The following KCNH5 variants were observed in gnomAD, a reference collection of about 807,000 sequenced individuals.
KCNH5 encodes potassium voltage-gated channel subfamily H member 5.
In KCNH5, 46 loss-of-function variants were observed where a neutral mutation model predicts 96.1. The observed-to-expected ratio is 0.48, with a 90% confidence interval of 0.38 to 0.61. KCNH5 has a LOEUF of 0.61. KCNH5 is among the 20% of genes least tolerant of loss of function. The pLI is 0.00. For missense variants in KCNH5, 907 were observed against 1,225.8 expected (o/e 0.74, Z 3.88); for synonymous variants, 439 against 449.8 (o/e 0.98, Z 0.30).
At chr14:62,909,297 G>A (rs934879798) in intron 7 of KCNH5, among the ~76,000 whole-genome samples, 11 of 151,662 alleles carry the variant, frequency 7.3e-5, no homozygotes, top group African/African-American at 2.7e-4. Context: ...CGCCCGCCTC[G>A]GCCTCCCAAA....
intron 10 of KCNH5, among the ~76,000 whole-genome samples, chr14:62,762,169 C>T (rs1885765130): frequency 6.6e-6 from 1 of 152,002 alleles, no homozygotes; most frequent in South Asian, 2.1e-4. Flanking sequence ...CAGAGAATGG[C>T]TGGGGACACC....
At chr14:63,022,067 A>T (rs1019182615) in intron 1 of KCNH5, among the ~76,000 whole-genome samples, 1 of 151,860 alleles carries the variant, frequency 6.6e-6, no homozygotes, top group African/African-American at 2.4e-5. Flanking sequence ...TCCAAACTTG[A>T]CCTCTTTTCT....
At chr14:62,792,317 T>G (rs118056456) in intron 9 of KCNH5, among the ~76,000 whole-genome samples, 4,832 of 151,538 alleles carry the variant, frequency 0.032, 147 homozygotes, top group South Asian at 0.083. Flanking sequence ...GTGATTTAGC[T>G]CGTAGATTTT....
intron 10 of KCNH5, among the ~76,000 whole-genome samples, chr14:62,764,067 T>C (rs923710109): frequency 2.0e-5 from 3 of 151,924 alleles, no homozygotes; most frequent in African/African-American, 4.8e-5. Flanking sequence ...GCAGAAACAG[T>C]ACAAATAATG....
intron 6 of KCNH5, among the ~76,000 whole-genome samples, chr14:62,951,971 A>AT (rs994901196): frequency 3.3e-5 from 5 of 151,648 alleles, no homozygotes; most frequent in African/African-American, 1.2e-4. Flanking sequence ...TCAAAAAAAA[A>AT]AAAAAAAAAA....
chr14:62,975,303 C>T (rs1282822036), intron 6 of KCNH5, among the ~76,000 whole-genome samples: 1 of 152,064 alleles, frequency 6.6e-6, no homozygotes, highest in African/African-American at 2.4e-5. Flanking sequence ...ATGATGCAGG[C>T]AGGCTTCCTG....
chr14:62,836,847 T>C (rs1195393697), intron 8 of KCNH5, among the ~76,000 whole-genome samples: 3 of 152,166 alleles, frequency 2.0e-5, no homozygotes, highest in African/African-American at 7.2e-5. Flanking sequence ...ATGTACTGCC[T>C]GGAACATACG....
rs1258585563 is a variant in KCNH5 at position 62,699,506 on chromosome 14, C to A, written c.*8002G>T. The A allele has an allele frequency of 1.3e-5, 2 of 152,056 alleles. No individual in the cohort carries two copies. The highest frequency in any genetic ancestry group is 4.8e-5 in the African/African-American group (2 of 41,404). 9.4% of individuals were successfully genotyped at this position (152,056 alleles called of 1,614,324 possible). A position where few individuals can be genotyped will look rare whatever the true frequency, so the allele number is the denominator to read the frequency against. On this transcript the variant is annotated 3_prime_UTR_variant, in exon 11 of 11. Transcript: ENST00000322893. ...TTTATTCTGTATCATGAAAAAATAT[C>A]CACATTTAAATAAAGTGTGAAAAAA...
intron 10 of KCNH5, among the ~76,000 whole-genome samples, chr14:62,721,212 C>A (rs1013028843): frequency 3.3e-5 from 5 of 152,060 alleles, no homozygotes; most frequent in Non-Finnish European, 7.4e-5. Flanking sequence ...AGAATTTGTC[C>A]TATTTTAGGA....
chr14:62,826,739 A>C (rs995749492), intron 8 of KCNH5, among the ~76,000 whole-genome samples: 2 of 151,812 alleles, frequency 1.3e-5, no homozygotes, highest in Non-Finnish European at 2.9e-5. Context: ...TTTTCCTTCT[A>C]GTATTCATGT....
rs143156101 is a variant in KCNH5 at position 62,987,897 on chromosome 14, T to A, written c.434-710A>T. Among the ~76,000 whole-genome samples the A allele has an allele frequency of 8.2e-3, 1,250 of 152,268 alleles. 6 individuals are homozygous for A. The highest frequency in any genetic ancestry group is 0.019 in the South Asian group (91 of 4,832). On this transcript the variant is annotated intron_variant, in intron 4 of 10. Transcript: ENST00000322893. Reference sequence around the variant, plus strand: ...AGATATAAGAGAATAAAACTGAATTTCAACAAATCTTACTTTTTATGGTTC... The same window carrying A: ...AGATATAAGAGAATAAAACTGAATTACAACAAATCTTACTTTTTATGGTTC...
In KCNH5 at chr14:63,016,841, T is replaced by C; in HGVS notation, c.187A>G (p.Ser63Gly). The C allele has an allele frequency of 1.2e-6, 2 of 1,610,216 alleles. No individual in the cohort carries two copies. Among genetic ancestry groups the C allele is most frequent in the South Asian group, 1.1e-5 (1 of 90,292 alleles). ...TATTCTGTTACCTACCTGCAAGTGCTGCTTTTCTGCATGACGTCAGCTCGA... is the reference window on the plus strand; with the variant it reads ...TATTCTGTTACCTACCTGCAAGTGCCGCTTTTCTGCATGACGTCAGCTCGA... The part of the protein sequence containing the change: ...YHRADVMQKS[S>G]TCSFMYGELT... The change falls in exon 2 of 11, where the codon AGC (serine) becomes GGC (glycine). Residue 63 changes from serine (S) to glycine (G), a missense_variant. This residue lies in a region of KCNH5 where 370 missense variants were observed against 561.3 expected (regional missense o/e 0.66). Coordinates refer to ENST00000322893, the MANE Select transcript of KCNH5 (RefSeq NM_139318.5).
chr14:62,909,039 T>TTTTG (rs1889093850), intron 7 of KCNH5, among the ~76,000 whole-genome samples: 6 of 23,704 alleles, frequency 2.5e-4, no homozygotes, highest in Admixed American at 1.1e-3. Context: ...CGTATTTTTT[T>TTTTG]TTTTTTTTTT....
intron 8 of KCNH5, among the ~76,000 whole-genome samples, chr14:62,833,139 C>T (rs12100661): frequency 0.11 from 16,308 of 151,582 alleles, 1,092 homozygotes; most frequent in East Asian, 0.29. Flanking sequence ...TCCCACTATT[C>T]TCTGTTTTTT....
chr14:62,900,225 G>A (rs1165647070), intron 7 of KCNH5, among the ~76,000 whole-genome samples: 1 of 152,158 alleles, frequency 6.6e-6, no homozygotes, highest in East Asian at 1.9e-4. Context: ...AAATCCCAGG[G>A]AAAATAGTAA....
At chr14:62,990,944 T>C (rs1890797478) in intron 4 of KCNH5, among the ~76,000 whole-genome samples, 1 of 151,976 alleles carries the variant, frequency 6.6e-6, no homozygotes. Flanking sequence ...CTCAGAGAAT[T>C]TACTCACTAT....
chr14:63,003,492 T>TTA lies in KCNH5; in HGVS notation c.305-2035_305-2034dup, dbSNP rs1174120747. Among the ~76,000 whole-genome samples the TTA allele has an allele frequency of 1.3e-3, 159 of 125,376 alleles. 1 individual carries two copies. Among genetic ancestry groups the TTA allele is most frequent in the African/African-American group, 4.9e-3 (150 of 30,906 alleles). 82.3% of individuals were successfully genotyped at this position (125,376 alleles called of 152,430 possible). A position where few individuals can be genotyped will look rare whatever the true frequency, so the allele number is the denominator to read the frequency against. On this transcript the variant is annotated intron_variant, in intron 3 of 10. Coordinates refer to ENST00000322893, the MANE Select transcript of KCNH5 (RefSeq NM_139318.5). Reference sequence around the variant, plus strand: ...ATATATTATATATATTTTATATATATTATATATATATTTTATATATATTTT... The same window carrying TTA: ...ATATATTATATATATTTTATATATATTATATATATATATTTTATATATATTTT...
chr14:62,906,904 T>C (rs1002789810), intron 7 of KCNH5, among the ~76,000 whole-genome samples: 1 of 152,190 alleles, frequency 6.6e-6, no homozygotes, highest in South Asian at 2.1e-4. Context: ...CTCAAGTACC[T>C]TACCTAGGGT....
intron 10 of KCNH5, among the ~76,000 whole-genome samples, chr14:62,738,552 T>C (rs1365375970): frequency 2.0e-5 from 3 of 152,166 alleles, no homozygotes; most frequent in African/African-American, 7.2e-5. Context: ...TTCTTTAATT[T>C]ACCTTGACCA....
Sources: gnomAD v4.1 joint callset for allele counts (sites outside exome capture counted in the v4.1 genomes callset) on GRCh38, gnomAD v4.1.1 for gene constraint, gnomAD v4.1.1 regional missense constraint, MANE v1.5 for transcripts, NCBI Gene and HGNC (gene_info 2026-07-23, HGNC 2026-07-21) for gene names.